Variants in PTCD1 observed in about 807,000 individuals in gnomAD.
PTCD1 encodes the protein pentatricopeptide repeat-containing protein 1, mitochondrial.
A neutral mutation model predicts 53.4 loss-of-function variants in PTCD1; 50 were observed. That is an observed-to-expected ratio of 0.94 (90% CI 0.75 to 1.19). The LOEUF (loss-of-function observed/expected upper bound fraction) is 1.19, where lower values mean the gene tolerates loss of function less well. Among genes scored for constraint, PTCD1 ranks in the 50% most tolerant of loss-of-function variants. PTCD1 has a pLI of 0.00. For synonymous variants in PTCD1, 413 were observed against 394.8 expected, an observed-to-expected ratio of 1.05 and a Z score of -0.55; for missense variants, 918 against 904.8, an observed-to-expected ratio of 1.01 and a Z score of -0.19.
At chr7:99,438,040 AATCAGGAAAGG>A (rs1796557395) in intron 1 of PTCD1, among the ~76,000 whole-genome samples, 1 of 152,192 alleles carries the variant, frequency 6.6e-6, no homozygotes, top group Non-Finnish European at 1.5e-5. Context: ...CTGCTCCAGC[AATCAGGAAAGG>A]AAATGCTATA....
In PTCD1 at chr7:99,417,838, T is replaced by C. The variant is rs565047726; in HGVS notation, c.*2129A>G. The C allele has an allele frequency of 6.9e-6, 10 of 1,454,176 alleles. No homozygotes were observed. The East Asian group carries it at 2.7e-4, about 39-fold the overall frequency. 90.1% of individuals were successfully genotyped at this position (1,454,176 alleles called of 1,614,324 possible). A position where few individuals can be genotyped will look rare whatever the true frequency, so the allele number is the denominator to read the frequency against. On this transcript the variant is annotated 3_prime_UTR_variant, in exon 8 of 8. Transcript: ENST00000292478. ...ACTTTTGGGCAAATTACTGAACCCC[T>C]TTCCTCACTTAGGAAATGGTGGTGG... is the stretch of plus-strand genomic sequence containing the variant.
In PTCD1 at chr7:99,425,027, G is replaced by A; in HGVS notation, c.1505C>T (p.Pro502Leu). 1 of 1,614,230 alleles carries A rather than the reference G, an allele frequency of 6.2e-7. No individual in the cohort carries two copies. Among genetic ancestry groups the A allele is most frequent in the Non-Finnish European group, 8.5e-7 (1 of 1,180,036 alleles). The change falls in exon 6 of 8, where the codon CCT becomes CTT. Residue 502 changes from proline (P) to leucine (L), a missense_variant. Coordinates refer to ENST00000292478, the MANE Select transcript of PTCD1 (RefSeq NM_015545.4). ...LLAEVVESGS[P>L]AESLLLALLD... is the part of the protein sequence containing the mutation. ...GAGGGCCAGCAGCAAGGACTCTGCA[G>A]GACTCCCGGACTCCACCACCTCGGC...
chr7:99,417,205 A>G lies in PTCD1; in HGVS notation c.*2762T>C, dbSNP rs1795536734. 1 of 437,764 alleles carries G rather than the reference A, an allele frequency of 2.3e-6. No individual in the cohort carries two copies. The highest frequency in any genetic ancestry group is 4.2e-6 in the Non-Finnish European group (1 of 237,736). 27.1% of individuals were successfully genotyped at this position (437,764 alleles called of 1,614,324 possible). On this transcript the variant is annotated 3_prime_UTR_variant, in exon 8 of 8. Transcript: ENST00000292478. The stretch of plus-strand genomic sequence containing the variant: ...CTAAGTAGCTGGGATTACAGCTGCT[A>G]CCACGCCCGAGTAATTTTTGTATTT...
rs770415514 is a variant in PTCD1 at position 99,423,861 on chromosome 7, C to T, written c.1834G>A (p.Asp612Asn). 6.2e-7 allele frequency: 1 copy of T among 1,614,178 alleles called. No individual in the cohort carries two copies. Among genetic ancestry groups the T allele is most frequent in the South Asian group, 1.1e-5 (1 of 91,082 alleles). ...NYTYLISILK[D>N]MKQNRVPVNE... ...ACCGGGACCCTGTTCTGCTTCATGT[C>T]CTTCAAGATGCTGATGAGATAGGTG... The change falls in exon 7 of 8, where the codon GAC (aspartate) becomes AAC (asparagine). Residue 612 changes from aspartate (D) to asparagine (N), a missense_variant. Asp to Asn is a conservative substitution (Grantham distance 23, BLOSUM62 1). Transcript: ENST00000292478.
intron 1 of PTCD1, 26 bp from the exon 2 acceptor site, chr7:99,435,294 G>A (rs760647110): frequency 3.1e-6 from 5 of 1,599,114 alleles, no homozygotes; most frequent in Non-Finnish European, 4.2e-6. Context: ...AAAAATAAGA[G>A]AGTCAACTCA....
intron 2 of PTCD1, 54 bp downstream of exon 2, chr7:99,434,736 C>G (rs949971050): frequency 1.2e-6 from 2 of 1,610,196 alleles, no homozygotes; most frequent in Admixed American, 1.7e-5. Flanking sequence ...TTGCAAAACA[C>G]TGAGCCACCA....
intron 3 of PTCD1, 147 bp downstream of exon 3, chr7:99,433,131 C>T (rs1796327145): frequency 7.7e-7 from 1 of 1,301,692 alleles, no homozygotes; most frequent in Non-Finnish European, 1.1e-6. Context: ...CGTTTATCAC[C>T]CACAATCACC....
chr7:99,417,810 T>G lies in PTCD1; in HGVS notation c.*2157A>C, dbSNP rs1169010261. 3 of 1,505,666 alleles carry G rather than the reference T, an allele frequency of 2.0e-6. No homozygotes were observed. The highest frequency in any genetic ancestry group is 2.7e-6 in the Non-Finnish European group (3 of 1,131,592). The allele number at this position is 1,505,666 out of a possible 1,614,324, so 93.3% of individuals were successfully genotyped here. A position where few individuals can be genotyped will look rare whatever the true frequency, so the allele number is the denominator to read the frequency against. On this transcript the variant is annotated 3_prime_UTR_variant, in exon 8 of 8. Transcript: ENST00000292478. ...TGTTAGGTCTGGGGTCAATCTCAACTCCACTTTTGGGCAAATTACTGAACC... is the reference window on the plus strand; with the variant it reads ...TGTTAGGTCTGGGGTCAATCTCAACGCCACTTTTGGGCAAATTACTGAACC...
Position 99,418,782 on chromosome 7 carries a change from T to TA in PTCD1, c.*1184dup, listed in dbSNP as rs1164843029. 1 of 152,858 alleles carries TA rather than the reference T, an allele frequency of 6.5e-6. No individual in the cohort carries two copies. The highest frequency in any genetic ancestry group is 6.5e-5 in the Admixed American group (1 of 15,330). The allele number at this position is 152,858 out of a possible 1,614,324, so 9.5% of individuals were successfully genotyped here. On this transcript the variant is annotated 3_prime_UTR_variant, in exon 8 of 8. Transcript: ENST00000292478. ...TGGCCAAAACAGCCCGCTGTAGACT[T>TA]ACCTGGGTTTCACCAGAGGATCCTG...
Position 99,424,984 on chromosome 7 carries a change from T to C in PTCD1, c.1548A>G (p.Val516=). Residue 516 remains valine, a synonymous_variant, in exon 6 of 8, where the codon GTA becomes GTG. Transcript: ENST00000292478. ...TGTTAAAGAATGTCAGGTCGGCCTC[T>C]ACCTGGTGCTCATCCAGGAGGGCCA... is the stretch of plus-strand genomic sequence containing the variant. The part of the protein sequence containing the change: ...LLLALLDEHQ[V]EADLTFFNTL... The C allele has an allele frequency of 1.2e-6, 2 of 1,614,234 alleles. No homozygotes were observed. Among genetic ancestry groups the C allele is most frequent in the Non-Finnish European group, 1.7e-6 (2 of 1,180,034 alleles).
At position 99,419,909 on chromosome 7, in the gene PTCD1, G is replaced by A. The variant is rs2150943357; in HGVS notation, c.*58C>T. The A allele has an allele frequency of 6.2e-7, 1 of 1,611,710 alleles. No homozygotes were observed. The highest frequency in any genetic ancestry group is 1.1e-5 in the South Asian group (1 of 90,972). On this transcript the variant is annotated 3_prime_UTR_variant, in exon 8 of 8. Coordinates refer to ENST00000292478, the MANE Select transcript of PTCD1 (RefSeq NM_015545.4). ...GGCAGGAGGTGACACCAGCTCACTT[G>A]TCCTGGGGCTCCCACAGAGCACTGG... is the stretch of plus-strand genomic sequence containing the variant.
At chr7:99,424,716 G>A (rs968556165) in intron 6 of PTCD1, 79 bp downstream of exon 6, 26 of 1,561,812 alleles carry the variant, frequency 1.7e-5, no homozygotes, top group Non-Finnish European at 2.2e-5. Context: ...GGGGTCTGCA[G>A]ACCCCTCAAA....
rs142290155 is a variant in PTCD1 at position 99,435,139 on chromosome 7, C to A, written c.104G>T (p.Arg35Met). The change falls in exon 2 of 8, where the codon AGG (arginine) becomes ATG (methionine). Residue 35 changes from arginine (R) to methionine (M), a missense_variant. By Grantham distance (91) the Arg-to-Met change is moderately conservative (BLOSUM62 -1). Coordinates refer to ENST00000292478, the MANE Select transcript of PTCD1 (RefSeq NM_015545.4). The stretch of plus-strand genomic sequence containing the variant: ...CCACATTGGCCGCATCAGCCCCTCC[C>A]TGCCTCCTGCCCACCTGGCTCTACA... ...DPCRARWAGG[R>M]EGLMRPMWAP... The A allele has an allele frequency of 3.2e-5, 52 of 1,601,014 alleles. No homozygotes were observed. Among genetic ancestry groups the A allele is most frequent in the Non-Finnish European group, 3.9e-5 (46 of 1,175,180 alleles).
chr7:99,421,440 A>G (rs893268161), intron 7 of PTCD1, among the ~76,000 whole-genome samples: 147 of 150,434 alleles, frequency 9.8e-4, no homozygotes, highest in African/African-American at 3.3e-3. Context: ...AAAAAAAAAA[A>G]AAAAAAAGAA....
At chr7:99,425,702 G>T in intron 5 of PTCD1, 86 bp from the exon 6 acceptor site, 1 of 1,508,706 alleles carries the variant, frequency 6.6e-7, no homozygotes, top group South Asian at 1.2e-5. Context: ...AGCACCTTGG[G>T]AGTTTTAGAT....
intron 1 of PTCD1, among the ~76,000 whole-genome samples, chr7:99,437,885 G>A (rs892587178): frequency 3.9e-5 from 6 of 152,038 alleles, no homozygotes; most frequent in Admixed American, 6.6e-5. Context: ...GGCTGGTCTC[G>A]AACTCCTGAC....
chr7:99,425,303 G>T lies in PTCD1; in HGVS notation c.1229C>A (p.Ala410Asp), dbSNP rs939117544. 1.2e-6 allele frequency: 2 copies of T among 1,614,002 alleles called. No homozygotes were observed. Among genetic ancestry groups the T allele is most frequent in the Non-Finnish European group, 1.7e-6 (2 of 1,180,014 alleles). ...EPPEARVPGK[A>D]QPEVDTKAEP... ...TGCCTTAGTATCCACCTCTGGTTGG[G>T]CCTTGCCGGGCACTCTGGCTTCCGG... is the stretch of plus-strand genomic sequence containing the variant. The change falls in exon 6 of 8, where the codon GCC (alanine) becomes GAC (aspartate). Residue 410 changes from alanine (A) to aspartate (D), a missense_variant. Ala to Asp is a moderately radical substitution (Grantham distance 126). Transcript: ENST00000292478.
In PTCD1 at chr7:99,425,623, C is replaced by G. The variant is rs28457808; in HGVS notation, c.916-7G>C. The G allele has an allele frequency of 0.22, 351,534 of 1,604,128 alleles. 57,094 individuals are homozygous for G. Among genetic ancestry groups the G allele is most frequent in the African/African-American group, 0.84 (62,419 of 74,704 alleles). ...TCAGCATCAGCCGCCACACCTGCCA[C>G]GGAAGAGACAAACGTCAGCTGGGTG... On this transcript the variant is annotated splice_region_variant and splice_polypyrimidine_tract_variant and intron_variant, in intron 5 of 7. Coordinates refer to ENST00000292478, the MANE Select transcript of PTCD1 (RefSeq NM_015545.4).
chr7:99,437,770 T>C (rs1319796424), intron 1 of PTCD1, among the ~76,000 whole-genome samples: 1 of 152,140 alleles, frequency 6.6e-6, no homozygotes, highest in Non-Finnish European at 1.5e-5. Context: ...GTTTAAGCCA[T>C]GCTCATGCCT....
Sources: allele counts gnomAD v4.1 joint callset (sites outside exome capture counted in the v4.1 genomes callset), GRCh38; gene constraint gnomAD v4.1.1; transcripts MANE v1.5; gene names NCBI Gene and HGNC (gene_info 2026-07-23, HGNC 2026-07-21).